HTR4: variants seen among roughly 807,000 people sequenced by gnomAD.
The protein encoded by HTR4 is 5-hydroxytryptamine (serotonin) receptor 4, G protein-coupled.
Under a neutral mutation model 36.8 loss-of-function variants are expected in HTR4, and 16 were observed. The ratio of observed to expected loss-of-function variants is 0.43; its 90% CI spans 0.29 to 0.66. HTR4 has a LOEUF of 0.66. Ranked by LOEUF, HTR4 falls within the 30% of genes least tolerant of loss-of-function variation. The probability of loss-of-function intolerance (pLI) is 0.13; values close to 1 mark genes in which losing one functional copy is unlikely to be tolerated. For missense variants in HTR4, 438 were observed against 490.9 expected, an observed-to-expected ratio of 0.89 and a Z score of 1.02; for synonymous variants, 189 against 185.1, an observed-to-expected ratio of 1.02 and a Z score of -0.17.
intron 2 of HTR4, among the ~76,000 whole-genome samples, chr5:148,558,020 A>C (rs1760032201): frequency 6.6e-6 from 1 of 151,972 alleles, no homozygotes; most frequent in African/African-American, 2.4e-5. Context: ...TGTCATGTAC[A>C]CAAGAAATAT....
At chr5:148,451,228 A>G in exon 6 of HTR4, 2 of 1,613,928 alleles carry the variant, frequency 1.2e-6, no homozygotes, top group Admixed American at 3.3e-5. Flanking sequence ...GTGTATGGGC[A>G]GTTTCTCGAG....
chr5:148,590,867 C>T (rs1161771375), intron 2 of HTR4, among the ~76,000 whole-genome samples: 2 of 151,818 alleles, frequency 1.3e-5, no homozygotes, highest in African/African-American at 4.8e-5. Context: ...GCTTTTGTTG[C>T]ATTTGCTTTT....
In HTR4 at chr5:148,550,061, A is replaced by G. The variant is rs914324436; in HGVS notation, c.152+76T>C. 5 of 1,440,922 alleles carry G rather than the reference A, an allele frequency of 3.5e-6. No individual in the cohort carries two copies. In the African/African-American group the frequency reaches 7.1e-5, roughly 21 times the overall value. 89.3% of individuals were successfully genotyped at this position (1,440,922 alleles called of 1,614,324 possible). ...CTTTCTTAATTACAAATTCTAATAG[A>G]AATGTTCACACCCAACTCTCTAGGG... On this transcript the variant is annotated intron_variant, in intron 3 of 6. Transcript: ENST00000377888.
chr5:148,590,219 C>A (rs1761505721), intron 2 of HTR4, among the ~76,000 whole-genome samples: 1 of 151,626 alleles, frequency 6.6e-6, no homozygotes, highest in Admixed American at 6.6e-5. Flanking sequence ...TCCCTCAACC[C>A]AGGATTTTAG....
At chr5:148,530,674 A>G (rs187788644) in intron 4 of HTR4, among the ~76,000 whole-genome samples, 1 of 152,298 alleles carries the variant, frequency 6.6e-6, no homozygotes, top group Admixed American at 6.5e-5. Flanking sequence ...CAACTAGTAG[A>G]GCTGCGAGAA....
intron 1 of HTR4, chr5:148,644,883 G>A (rs988514793): frequency 6.6e-6 from 1 of 152,114 alleles, no homozygotes. Flanking sequence ...CAGAGAAATG[G>A]TCAGGGGATC....
rs182339120 is a variant in HTR4, at chr5:148,511,701, G to C, written c.508-1677C>G. Among the ~76,000 whole-genome samples, 2 of 150,766 alleles carry C rather than the reference G, an allele frequency of 1.3e-5. 1 individual carries two copies. The highest frequency in any genetic ancestry group is 4.2e-4 in the South Asian group (2 of 4,746). The stretch of plus-strand genomic sequence containing the variant: ...GTATATACCCAGGACTGAAATTGCT[G>C]TATCATAGCTTGGGTATATACAGCC... On this transcript the variant is annotated intron_variant, in intron 5 of 6. Transcript: ENST00000377888.
At chr5:148,499,092 G>A (rs1581384663) in intron 6 of HTR4, among the ~76,000 whole-genome samples, 1 of 152,138 alleles carries the variant, frequency 6.6e-6, no homozygotes, top group African/African-American at 2.4e-5. Flanking sequence ...AAACAGTTGG[G>A]TCTGAATTCC....
chr5:148,587,745 G>T (rs539741592), intron 2 of HTR4, among the ~76,000 whole-genome samples: 1 of 152,166 alleles, frequency 6.6e-6, no homozygotes. Context: ...CTTTGGGGAA[G>T]CCTTTGCAGA....
At chr5:148,467,908 T>C (rs539104592) in intron 5 of HTR4, among the ~76,000 whole-genome samples, 1 of 152,354 alleles carries the variant, frequency 6.6e-6, no homozygotes, top group South Asian at 2.1e-4. Context: ...ACCCTTGAGG[T>C]TGGTATGGTG....
In HTR4 at chr5:148,560,228, G is replaced by C. The variant is rs904284933; in HGVS notation, c.27-9966C>G. 2.8e-4 allele frequency among the ~76,000 whole-genome samples: 41 copies of C among 146,746 alleles called. 1 individual carries two copies. The highest frequency in any genetic ancestry group is 1.0e-3 in the African/African-American group (41 of 39,884). On this transcript the variant is annotated intron_variant, in intron 2 of 6. Coordinates refer to ENST00000377888, the MANE Select transcript of HTR4 (RefSeq NM_000870.7). ...TTTAAAAAAAAAAAAAAAAAAAAGA[G>C]GAGGATTAAATAAGATAGTTTGCAT...
chr5:148,503,485 TA>T (rs1259442473), intron 6 of HTR4, among the ~76,000 whole-genome samples: 2 of 152,128 alleles, frequency 1.3e-5, no homozygotes, highest in Non-Finnish European at 1.5e-5. Context: ...AAGAGCTCCT[TA>T]AGGAAGCACT....
intron 6 of HTR4, chr5:148,484,129 GT>G: frequency 1.1e-6 from 1 of 950,304 alleles, no homozygotes. Context: ...TAGACCTTAA[GT>G]TTTTTGCAAG....
downstream of HTR4, among the ~76,000 whole-genome samples, chr5:148,474,310 T>C: frequency 6.6e-6 from 1 of 151,900 alleles, no homozygotes; most frequent in Non-Finnish European, 1.5e-5. Context: ...GCTATAAGGC[T>C]TTGGAGAAAG....
At chr5:148,491,312 G>A (rs892460374) in intron 6 of HTR4, among the ~76,000 whole-genome samples, 3 of 151,936 alleles carry the variant, frequency 2.0e-5, no homozygotes, top group Non-Finnish European at 4.4e-5. Context: ...CGCCTTCTAC[G>A]GCGCTATATA....
At chr5:148,568,157 G>A (rs557272914) in intron 2 of HTR4, among the ~76,000 whole-genome samples, 18 of 152,192 alleles carry the variant, frequency 1.2e-4, no homozygotes, top group African/African-American at 4.3e-4. Flanking sequence ...ACATCCAATA[G>A]AGACCATAAG....
At chr5:148,466,002 AC>A (rs1462704712) in intron 5 of HTR4, 26 of 1,577,236 alleles carry the variant, frequency 1.6e-5, no homozygotes, top group Non-Finnish European at 8.6e-6. Flanking sequence ...GAAAAAAAAA[AC>A]ATAGAGATTA....
intron 4 of HTR4, among the ~76,000 whole-genome samples, chr5:148,536,343 C>A (rs552490516): frequency 4.5e-4 from 69 of 152,064 alleles, no homozygotes; most frequent in Non-Finnish European, 7.9e-4. Context: ...AGCATAATAA[C>A]CAGCTAACAA....
At chr5:148,633,990 C>T (rs780467379) in intron 2 of HTR4, among the ~76,000 whole-genome samples, 4 of 152,106 alleles carry the variant, frequency 2.6e-5, no homozygotes, top group Non-Finnish European at 4.4e-5. Context: ...TGCTGACAGA[C>T]ACATTGTAGC....
Sources: gnomAD v4.1 joint callset for allele counts (sites outside exome capture counted in the v4.1 genomes callset) on GRCh38, gnomAD v4.1.1 for gene constraint, MANE v1.5 for transcripts, NCBI Gene and HGNC (gene_info 2026-07-23, HGNC 2026-07-21) for gene names.